ANKMY2: variants seen among roughly 807,000 people sequenced by gnomAD.
The protein encoded by ANKMY2 is ankyrin repeat and MYND domain-containing protein 2.
A neutral mutation model predicts 50.4 loss-of-function variants in ANKMY2; 36 were observed. The observed-to-expected ratio is 0.71, with a 90% CI of 0.55 to 0.94. The LOEUF (loss-of-function observed/expected upper bound fraction) is 0.94. Ranked by LOEUF, ANKMY2 falls within the 40% of genes least tolerant of loss-of-function variation. The probability of loss-of-function intolerance (pLI) is 0.00; values close to 1 mark genes in which losing one functional copy is unlikely to be tolerated. For missense variants in ANKMY2, 565 were observed against 524.0 expected, an observed-to-expected ratio of 1.08 and a Z score of -0.76; for synonymous variants, 187 against 178.8, an observed-to-expected ratio of 1.05 and a Z score of -0.36.
intron 7 of ANKMY2, among the ~76,000 whole-genome samples, chr7:16,606,103 C>T (rs1009382128): frequency 1.3e-5 from 2 of 152,148 alleles, no homozygotes; most frequent in Non-Finnish European, 2.9e-5. Context: ...AGGCATGAGC[C>T]ACCGCGCCTG....
intron 1 of ANKMY2, among the ~76,000 whole-genome samples, chr7:16,640,564 C>T (rs1157716233): frequency 6.6e-6 from 1 of 152,128 alleles, no homozygotes; most frequent in Non-Finnish European, 1.5e-5. Context: ...CTCCATCGCC[C>T]AAGCTGGAGT....
At chr7:16,644,809 A>G (rs1294327543) in intron 1 of ANKMY2, 3 of 452,932 alleles carry the variant, frequency 6.6e-6, no homozygotes, top group Admixed American at 2.5e-5. Context: ...GAAGTGGGGC[A>G]CGCCTTGGGG....
chr7:16,641,283 C>T (rs1247713919), intron 1 of ANKMY2, among the ~76,000 whole-genome samples: 1 of 152,200 alleles, frequency 6.6e-6, no homozygotes, highest in Non-Finnish European at 1.5e-5. Flanking sequence ...CTAATTATAA[C>T]ATGCATTTTG....
intron 1 of ANKMY2, 91 bp downstream of exon 1, chr7:16,645,416 C>T: frequency 7.6e-7 from 1 of 1,313,044 alleles, no homozygotes; most frequent in Non-Finnish European, 1.0e-6. Flanking sequence ...GAACCGCAGC[C>T]AAAGGTCACC....
intron 2 of ANKMY2, among the ~76,000 whole-genome samples, chr7:16,628,539 C>G (rs1025587305): frequency 6.6e-6 from 1 of 152,020 alleles, no homozygotes; most frequent in Non-Finnish European, 1.5e-5. Context: ...GTGGGTAAAT[C>G]TCATTGCCGT....
intron 3 of ANKMY2, among the ~76,000 whole-genome samples, chr7:16,625,702 A>G (rs1781498019): frequency 6.6e-6 from 1 of 152,204 alleles, no homozygotes; most frequent in African/African-American, 2.4e-5. Flanking sequence ...ATCAAAGATT[A>G]TGCATATTTT....
At chr7:16,622,264 G>T (rs1175216460) in intron 4 of ANKMY2, among the ~76,000 whole-genome samples, 1 of 152,140 alleles carries the variant, frequency 6.6e-6, no homozygotes, top group Non-Finnish European at 1.5e-5. Flanking sequence ...CCACAAAAGT[G>T]AAAATACAAA....
At chr7:16,608,073 AC>A (rs1374290983) in intron 7 of ANKMY2, among the ~76,000 whole-genome samples, 1 of 152,148 alleles carries the variant, frequency 6.6e-6, no homozygotes, top group Admixed American at 6.5e-5. Flanking sequence ...GCATATGAGA[AC>A]CTACACAGCT....
At chr7:16,603,806 C>T (rs1781111952) in intron 8 of ANKMY2, 1 of 436,254 alleles carries the variant, frequency 2.3e-6, no homozygotes, top group East Asian at 7.0e-5. Flanking sequence ...ATTGCCATGA[C>T]AACATGCTCA....
intron 2 of ANKMY2, among the ~76,000 whole-genome samples, chr7:16,635,484 T>G (rs1781645908): frequency 6.6e-6 from 1 of 152,178 alleles, no homozygotes; most frequent in East Asian, 1.9e-4. Context: ...TTTTACACCT[T>G]AAATATGTAT....
At chr7:16,625,756 A>G (rs1781498500) in intron 3 of ANKMY2, among the ~76,000 whole-genome samples, 1 of 152,170 alleles carries the variant, frequency 6.6e-6, no homozygotes, top group Non-Finnish European at 1.5e-5. Flanking sequence ...TTGGACTGAC[A>G]TGCACTCCCC....
chr7:16,605,658 C>T (rs1399859698), intron 7 of ANKMY2, among the ~76,000 whole-genome samples: 8 of 149,708 alleles, frequency 5.3e-5, no homozygotes, highest in African/African-American at 1.5e-4. Flanking sequence ...CCACTACGCC[C>T]AGCTAATTTT....
chr7:16,623,066 A>C (rs1781462800), intron 4 of ANKMY2, among the ~76,000 whole-genome samples: 1 of 152,184 alleles, frequency 6.6e-6, no homozygotes, highest in Non-Finnish European at 1.5e-5. Context: ...AACTTCCATG[A>C]TGTATTAGTA....
chr7:16,625,946 T>C (rs1213097189), intron 3 of ANKMY2, among the ~76,000 whole-genome samples: 2 of 151,910 alleles, frequency 1.3e-5, no homozygotes, highest in Non-Finnish European at 2.9e-5. Context: ...TCTACTGTAG[T>C]ATTTTTCTTT....
At chr7:16,644,851 TAGA>T (rs1781805881) in intron 1 of ANKMY2, 1 of 398,016 alleles carries the variant, frequency 2.5e-6, no homozygotes, top group Non-Finnish European at 5.1e-6. Context: ...GGAGCGCGAT[TAGA>T]AGGTCTCATC....
intron 1 of ANKMY2, among the ~76,000 whole-genome samples, chr7:16,643,651 T>C (rs1348158363): frequency 2.6e-5 from 4 of 151,942 alleles, no homozygotes; most frequent in African/African-American, 7.3e-5. Context: ...CACCTGAGAA[T>C]GTATCCAAGG....
intron 7 of ANKMY2, among the ~76,000 whole-genome samples, chr7:16,608,789 T>A (rs146909738): frequency 2.0e-5 from 3 of 152,104 alleles, no homozygotes; most frequent in African/African-American, 7.2e-5. Context: ...ATCACCTGAG[T>A]CAGGAGTTCG....
intron 4 of ANKMY2, among the ~76,000 whole-genome samples, chr7:16,618,463 T>C (rs966588043): frequency 7.2e-5 from 11 of 152,112 alleles, no homozygotes; most frequent in African/African-American, 2.7e-4. Context: ...ATTAAACAAA[T>C]GATAAAAGAA....
At chr7:16,629,721 A>G (rs1306326086) in intron 2 of ANKMY2, among the ~76,000 whole-genome samples, 1 of 152,172 alleles carries the variant, frequency 6.6e-6, no homozygotes, top group Non-Finnish European at 1.5e-5. Context: ...CTTATTTTTC[A>G]AAGAAGTGGA....
Sources: gnomAD v4.1 joint callset for allele counts (sites outside exome capture counted in the v4.1 genomes callset) on GRCh38, gnomAD v4.1.1 for gene constraint, MANE v1.5 for transcripts, NCBI Gene and HGNC (gene_info 2026-07-23, HGNC 2026-07-21) for gene names.